TMC4: variants seen among roughly 807,000 people sequenced by gnomAD.
TMC4 encodes transmembrane channel like 4, also known as voltage-gated chloride channel TMC4.
TMC4 carries 70 observed loss-of-function variants against 82.0 expected under a neutral mutation model. The observed-to-expected ratio is 0.85, with a 90% CI of 0.70 to 1.04. TMC4 has a LOEUF of 1.04. TMC4 is among the 50% of genes least tolerant of loss of function. TMC4 has a pLI of 0.00. For synonymous variants in TMC4, 446 were observed against 406.0 expected (o/e 1.10, Z -1.18); for missense variants, 879 against 899.0 (o/e 0.98, Z 0.28).
At chr19:54,163,960 C>CTCTTCT (rs750800579) in intron 7 of TMC4, 73 bp from the exon 8 acceptor site, 6 of 1,404,244 alleles carry the variant, frequency 4.3e-6, no homozygotes, top group Middle Eastern at 1.9e-4. Context: ...TCCCCCCGGC[C>CTCTTCT]TCTTCTTCTT....
At chr19:54,165,620 T>G in intron 5 of TMC4, 54 bp from the exon 6 acceptor site, 4 of 1,557,550 alleles carry the variant, frequency 2.6e-6, no homozygotes, top group Non-Finnish European at 3.5e-6. Context: ...GGAACGGGGG[T>G]TATGGGGAGA....
Position 54,160,142 on chromosome 19 carries a change from A to C in TMC4, c.*164T>G. On this transcript the variant is annotated 3_prime_UTR_variant, in exon 15 of 15. Transcript: ENST00000619895. ...TCGGCTGTATTTATTGATACAAGGA[A>C]GATCACCCGAGAGTCAGGGACGTGG... is the stretch of plus-strand genomic sequence containing the variant. 1 of 743,696 alleles carries C rather than the reference A, an allele frequency of 1.3e-6. No individual in the cohort carries two copies. The highest frequency in any genetic ancestry group is 2.5e-5 in the South Asian group (1 of 39,574). The allele number at this position is 743,696 out of a possible 1,614,324, so 46.1% of individuals were successfully genotyped here.
chr19:54,163,846 C>T lies in TMC4; in HGVS notation c.1155G>A (p.Gly385=). The part of the protein sequence containing the change: ...LVQELPLLKL[G]VNYLPSIFIA... Reference sequence around the variant, plus strand: ...TGAAGATGGACGGAAGGTAATTCACCCCAAGCTTCAGCAGTGGCAACTCCT... The same window carrying T: ...TGAAGATGGACGGAAGGTAATTCACTCCAAGCTTCAGCAGTGGCAACTCCT... Residue 385 remains glycine, a synonymous_variant, in exon 8 of 15, where the codon GGG becomes GGA. Coordinates refer to ENST00000619895, the MANE Select transcript of TMC4 (RefSeq NM_144686.4). 1.9e-6 allele frequency: 3 copies of T among 1,614,076 alleles called. No individual in the cohort carries two copies. Among genetic ancestry groups the T allele is most frequent in the Non-Finnish European group, 2.5e-6 (3 of 1,180,004 alleles).
At position 54,168,616 on chromosome 19, in the gene TMC4, C is replaced by A. The variant is rs139063746; in HGVS notation, c.507G>T (p.Val169=). The A allele has an allele frequency of 5.0e-6, 8 of 1,595,666 alleles. No homozygotes were observed. Among genetic ancestry groups the A allele is most frequent in the African/African-American group, 1.3e-5 (1 of 74,336 alleles). The change falls in exon 4 of 15, where the codon GTG becomes GTT. Residue 169 remains valine (V), a synonymous_variant. Coordinates refer to ENST00000619895, the MANE Select transcript of TMC4 (RefSeq NM_144686.4). The part of the protein sequence containing the change: ...SLLRFLLLLN[V]LASVLMACMT... ...TGCAGGCCATGAGCACAGAGGCCAGCACGTTAAGAAGGAGCAGGAAGCGCA... is the reference window on the plus strand; with the variant it reads ...TGCAGGCCATGAGCACAGAGGCCAGAACGTTAAGAAGGAGCAGGAAGCGCA...
intron 1 of TMC4, 40 bp from the exon 2 acceptor site, chr19:54,172,123 G>A (rs780843820): frequency 7.4e-6 from 11 of 1,481,906 alleles, no homozygotes; most frequent in Non-Finnish European, 9.0e-6. Context: ...CGGGAGTCTG[G>A]GCCCTAATTC....
In TMC4 at chr19:54,172,015, C is replaced by A. The variant is rs140260406; in HGVS notation, c.148G>T (p.Val50Leu). 113 of 1,613,490 alleles carry A rather than the reference C, an allele frequency of 7.0e-5. 2 individuals are homozygous for A. In the African/African-American group the frequency reaches 1.1e-3, roughly 16 times the overall value. Residue 50 changes from valine to leucine, a missense_variant, in exon 2 of 15, where the codon GTG becomes TTG. Transcript: ENST00000619895. The part of the protein sequence containing the change: ...AATLRYRDPG[V>L]LPWGALEEEE... The stretch of plus-strand genomic sequence containing the variant: ...TCCTCCAGCGCCCCCCAAGGCAGCA[C>A]CCCAGGGTCTCGGTACCGAAGGGTG...
chr19:54,162,780 G>A lies in TMC4; in HGVS notation c.1405-10C>T, dbSNP rs1426342168. On this transcript the variant is annotated splice_polypyrimidine_tract_variant and intron_variant, in intron 9 of 14. Coordinates refer to ENST00000619895, the MANE Select transcript of TMC4 (RefSeq NM_144686.4). The stretch of plus-strand genomic sequence containing the variant: ...GGACAGTCTCCCAGCACTGAAGAAG[G>A]AAGAAATATATCAGAAAGAACTCGG... 1 of 1,612,522 alleles carries A rather than the reference G, an allele frequency of 6.2e-7. No homozygotes were observed. Among genetic ancestry groups the A allele is most frequent in the African/African-American group, 1.3e-5 (1 of 74,978 alleles).
rs2075901923 is a variant in TMC4 at position 54,171,920 on chromosome 19, A to G, written c.243T>C (p.Pro81=). Residue 81 remains proline, a synonymous_variant, in exon 2 of 15, where the codon CCT becomes CCC. Transcript: ENST00000619895. ...TEVTQTELQD[P]HPSRELPWPM... The stretch of plus-strand genomic sequence containing the variant: ...GCCAGGGCAGTTCCCGGGAAGGGTG[A>G]GGGTCCTGCAGCTCTGTCTGGGTGA... 1.2e-6 allele frequency: 2 copies of G among 1,613,148 alleles called. No individual in the cohort carries two copies. Among genetic ancestry groups the G allele is most frequent in the Admixed American group, 1.7e-5 (1 of 59,904 alleles).
At chr19:54,161,870 G>A (rs2075563666) in intron 11 of TMC4, among the ~76,000 whole-genome samples, 1 of 152,050 alleles carries the variant, frequency 6.6e-6, no homozygotes, top group Non-Finnish European at 1.5e-5. Context: ...TCCGAACCAG[G>A]AGTCTGAGCC....
intron 8 of TMC4, 151 bp from the exon 9 acceptor site, chr19:54,163,310 T>A: frequency 1.2e-3 from 30 of 25,484 alleles, no homozygotes; most frequent in South Asian, 3.4e-3. Context: ...CTTTCTTTCT[T>A]TTTTTTTTTT....
chr19:54,169,437 C>T (rs1362318893), intron 3 of TMC4, 75 bp downstream of exon 3: 6 of 1,509,402 alleles, frequency 4.0e-6, no homozygotes, highest in East Asian at 2.4e-5. Flanking sequence ...CCCAGGAGTC[C>T]GTCCCCAGCC....
chr19:54,161,066 C>T, intron 12 of TMC4, 33 bp from the exon 13 acceptor site: 1 of 1,612,752 alleles, frequency 6.2e-7, no homozygotes, highest in Non-Finnish European at 8.5e-7. Context: ...TCACATAGTG[C>T]CAGGAGTCTG....
At chr19:54,167,422 G>A (rs966575669) in intron 5 of TMC4, among the ~76,000 whole-genome samples, 2 of 151,612 alleles carry the variant, frequency 1.3e-5, no homozygotes, top group African/African-American at 4.8e-5. Context: ...AGCTGGGCGT[G>A]GTGGCCGGAG....
intron 11 of TMC4, among the ~76,000 whole-genome samples, chr19:54,161,705 A>G (rs1037964717): frequency 6.6e-6 from 1 of 151,762 alleles, no homozygotes; most frequent in Non-Finnish European, 1.5e-5. Flanking sequence ...AGCCCGGCTA[A>G]TTTTTTTTGT....
chr19:54,168,507 G>A lies in TMC4; in HGVS notation c.616C>T (p.Pro206Ser). Residue 206 changes from proline to serine, a missense_variant, in exon 4 of 15, where the codon CCC becomes TCC. By Grantham distance (74) the Pro-to-Ser change is moderately conservative. Coordinates refer to ENST00000619895, the MANE Select transcript of TMC4 (RefSeq NM_144686.4). ...DISSPCGSYN[P>S]HSQGLVTFAT... ...AAGGTGACCAGGCCCTGGGAGTGGG[G>A]GTTATAGGAGCCGCAGGGCGAGGAG... The A allele has an allele frequency of 6.5e-7, 1 of 1,548,656 alleles. No homozygotes were observed. The highest frequency in any genetic ancestry group is 8.7e-7 in the Non-Finnish European group (1 of 1,146,348).
At chr19:54,162,887 C>T in intron 9 of TMC4, 117 bp from the exon 10 acceptor site, 1 of 1,521,628 alleles carries the variant, frequency 6.6e-7, no homozygotes, top group Non-Finnish European at 9.0e-7. Context: ...CTCTGGGGGT[C>T]CTCGTTTTTC....
chr19:54,169,395 A>G lies in TMC4; in HGVS notation c.442+117T>C. On this transcript the variant is annotated intron_variant, in intron 3 of 14. Transcript: ENST00000619895. The stretch of plus-strand genomic sequence containing the variant: ...CCCAGCCCCTCCTCCCTCAGACCCA[A>G]AAATCCAGGCCCAAGCCCCTCCTCC... 2.9e-6 allele frequency: 4 copies of G among 1,394,040 alleles called. No individual in the cohort carries two copies. The South Asian group carries it at 4.3e-5, about 15-fold the overall frequency. The allele number at this position is 1,394,040 out of a possible 1,614,324, so 86.4% of individuals were successfully genotyped here.
At position 54,163,766 on chromosome 19, in the gene TMC4, T is replaced by G. The variant is rs1156659565; in HGVS notation, c.1235A>C (p.Glu412Ala). ...PPVFKLIAPLEGYTRSRQIVF... is the reference protein window; with the variant it reads ...PPVFKLIAPLAGYTRSRQIVF... The stretch of plus-strand genomic sequence containing the variant: ...GATCTGGCGACTCCGAGTGTAGCCC[T>G]CCAGTGGAGCAATGAGCTTGAACAC... The change falls in exon 8 of 15, where the codon GAG becomes GCG. Residue 412 changes from glutamate to alanine, a missense_variant. Transcript: ENST00000619895. 1.2e-6 allele frequency: 2 copies of G among 1,613,866 alleles called. No homozygotes were observed. The highest frequency in any genetic ancestry group is 3.3e-5 in the Admixed American group (2 of 59,986).
At chr19:54,168,368 G>A in intron 4 of TMC4, 76 bp from the exon 5 acceptor site, 1 of 1,525,054 alleles carries the variant, frequency 6.6e-7, no homozygotes, top group Non-Finnish European at 8.8e-7. Flanking sequence ...AGGGTCTGGG[G>A]TCAGGGTTTG....
Sources: allele counts gnomAD v4.1 joint callset (sites outside exome capture counted in the v4.1 genomes callset), GRCh38; gene constraint gnomAD v4.1.1; transcripts MANE v1.5; gene names NCBI Gene and HGNC (gene_info 2026-07-23, HGNC 2026-07-21).